The following DLGAP2 variants were observed in gnomAD, a reference collection of about 807,000 sequenced individuals.
DLGAP2 encodes DLG associated protein 2.
In DLGAP2, 26 loss-of-function variants were observed where a neutral mutation model predicts 100.3. The ratio of observed to expected loss-of-function variants is 0.26; its 90% CI spans 0.19 to 0.36. The LOEUF (loss-of-function observed/expected upper bound fraction) is 0.36. DLGAP2 is among the 10% of genes least tolerant of loss of function. The pLI is 1.00. For synonymous variants in DLGAP2, 886 were observed against 630.1 expected (o/e 1.41, Z -6.08); for missense variants, 1,858 against 1,453.2 (o/e 1.28, Z -4.53).
chr8:975,629 A>C (rs1241649057), intron 2 of DLGAP2, among the ~76,000 whole-genome samples: 3 of 152,226 alleles, frequency 2.0e-5, no homozygotes. Context: ...TAAGGAAGAA[A>C]AAATTACATC....
At chr8:1,361,833 G>A (rs968190144) in intron 3 of DLGAP2, among the ~76,000 whole-genome samples, 11 of 152,188 alleles carry the variant, frequency 7.2e-5, no homozygotes, top group African/African-American at 1.4e-4. Flanking sequence ...ACGTGCTCGC[G>A]GCGTCTTCTA....
intron 4 of DLGAP2, among the ~76,000 whole-genome samples, chr8:1,524,761 C>T (rs1227221532): frequency 6.6e-6 from 1 of 152,176 alleles, no homozygotes; most frequent in Non-Finnish European, 1.5e-5. Flanking sequence ...AGCTTACAGT[C>T]TTCCCACCGC....
chr8:1,294,613 A>G (rs1423759843), intron 3 of DLGAP2, among the ~76,000 whole-genome samples: 4 of 152,232 alleles, frequency 2.6e-5, no homozygotes. Context: ...TTTTAAAATT[A>G]AGAGTACATA....
chr8:1,084,842 G>A (rs955237214), intron 2 of DLGAP2, among the ~76,000 whole-genome samples: 2 of 152,220 alleles, frequency 1.3e-5, no homozygotes, highest in Non-Finnish European at 2.9e-5. Flanking sequence ...GACCATGGGA[G>A]TGCAGGCATC....
intron 2 of DLGAP2, among the ~76,000 whole-genome samples, chr8:1,246,168 C>T (rs957831516): frequency 9.9e-5 from 15 of 152,138 alleles, no homozygotes; most frequent in African/African-American, 3.4e-4. Flanking sequence ...TACTCCATAG[C>T]CCTTGGTCAA....
chr8:1,251,792 C>T (rs962455306), intron 2 of DLGAP2, among the ~76,000 whole-genome samples: 1 of 152,258 alleles, frequency 6.6e-6, no homozygotes, highest in African/African-American at 2.4e-5. Flanking sequence ...TGGTGTCCCA[C>T]AGTCACGTCA....
intron 4 of DLGAP2, among the ~76,000 whole-genome samples, chr8:1,516,465 G>C (rs985652585): frequency 1.3e-5 from 2 of 151,780 alleles, no homozygotes; most frequent in African/African-American, 2.4e-5. Context: ...CTGAGTGAAT[G>C]AGTGGGTGAC....
At chr8:1,013,170 C>T (rs143338799) in intron 2 of DLGAP2, among the ~76,000 whole-genome samples, 160 of 152,326 alleles carry the variant, frequency 1.1e-3, no homozygotes, top group African/African-American at 3.6e-3. Flanking sequence ...CTGCTAATTC[C>T]TTTCATACGT....
At chr8:1,277,308 T>C (rs907866020) in intron 3 of DLGAP2, among the ~76,000 whole-genome samples, 2 of 152,202 alleles carry the variant, frequency 1.3e-5, no homozygotes, top group African/African-American at 4.8e-5. Context: ...TTGGTAACTG[T>C]ATTTTTTTGT....
intron 3 of DLGAP2, among the ~76,000 whole-genome samples, chr8:1,427,237 T>G (rs1797260936): frequency 6.6e-6 from 1 of 152,154 alleles, no homozygotes; most frequent in South Asian, 2.1e-4. Flanking sequence ...TTCAGTATAT[T>G]TTCTCAGAAA....
chr8:1,516,651 CTGAG>C (rs72406955), intron 4 of DLGAP2, among the ~76,000 whole-genome samples: 22,706 of 138,076 alleles, frequency 0.16, 1,838 homozygotes, highest in Non-Finnish European at 0.17. Context: ...GAGTGAGTGA[CTGAG>C]TGAATGAGTG....
chr8:1,384,292 G>T (rs1796163120), intron 3 of DLGAP2, among the ~76,000 whole-genome samples: 1 of 152,234 alleles, frequency 6.6e-6, no homozygotes, highest in Non-Finnish European at 1.5e-5. Flanking sequence ...CTCTGCCGTG[G>T]CCTATGCCCG....
At chr8:1,053,471 A>T (rs1026651386) in intron 2 of DLGAP2, among the ~76,000 whole-genome samples, 1 of 152,114 alleles carries the variant, frequency 6.6e-6, no homozygotes, top group African/African-American at 2.4e-5. Context: ...CAGCTCCGTC[A>T]TCCCAGTCAG....
chr8:1,667,556 C>A lies in DLGAP2; in HGVS notation c.1811-773C>A, dbSNP rs537077289. Among the ~76,000 whole-genome samples the A allele has an allele frequency of 3.3e-4, 51 of 152,266 alleles. 1 individual carries two copies. The highest frequency in any genetic ancestry group is 1.2e-3 in the African/African-American group (48 of 41,552). On this transcript the variant is annotated intron_variant, in intron 8 of 14. Transcript: ENST00000637795. ...AGTTTCTGCTATTATATATTTTCTC[C>A]GTTACAGAAACAGTAGCTATTCGTT...
chr8:1,513,363 C>T (rs900035932), intron 4 of DLGAP2, among the ~76,000 whole-genome samples: 3 of 127,520 alleles, frequency 2.4e-5, no homozygotes, highest in Non-Finnish European at 5.1e-5. Context: ...CGGTGGGATA[C>T]GCTACTGCCT....
At chr8:1,091,315 C>G (rs1222927143) in intron 2 of DLGAP2, among the ~76,000 whole-genome samples, 1 of 152,236 alleles carries the variant, frequency 6.6e-6, no homozygotes, top group Non-Finnish European at 1.5e-5. Context: ...TCTGTAAAAA[C>G]TGTACAAAAA....
intron 2 of DLGAP2, among the ~76,000 whole-genome samples, chr8:938,883 C>CCT (rs745491549): frequency 1.3e-5 from 2 of 152,216 alleles, no homozygotes; most frequent in Admixed American, 6.5e-5. Context: ...AACTCCCAGG[C>CCT]CTCTGCCTTA....
intron 2 of DLGAP2, among the ~76,000 whole-genome samples, chr8:918,548 G>T (rs570375995): frequency 6.6e-6 from 1 of 152,166 alleles, no homozygotes; most frequent in East Asian, 1.9e-4. Flanking sequence ...TGTCTGCATC[G>T]ATCCTGAACA....
intron 3 of DLGAP2, among the ~76,000 whole-genome samples, chr8:1,454,505 C>G (rs1798250759): frequency 6.6e-6 from 1 of 152,196 alleles, no homozygotes; most frequent in African/African-American, 2.4e-5. Flanking sequence ...AAACCCACCC[C>G]TGGAGGAGAG....
Sources: gnomAD v4.1 joint callset for allele counts (sites outside exome capture counted in the v4.1 genomes callset) on GRCh38, gnomAD v4.1.1 for gene constraint, MANE v1.5 for transcripts, NCBI Gene and HGNC (gene_info 2026-07-23, HGNC 2026-07-21) for gene names.